Variants in ENTPD5 observed in about 807,000 individuals in gnomAD.
ENTPD5 encodes the protein ectonucleoside triphosphate diphosphohydrolase 5 (inactive), also known as nucleoside diphosphate phosphatase ENTPD5.
In ENTPD5, 49 loss-of-function variants were observed where a neutral mutation model predicts 60.2. The ratio of observed to expected loss-of-function variants is 0.81; its 90% CI spans 0.65 to 1.03. ENTPD5 has a LOEUF of 1.03. ENTPD5 is among the 50% of genes least tolerant of loss of function. The pLI, the probability that ENTPD5 is intolerant of heterozygous loss-of-function variation, is 0.00. For synonymous variants in ENTPD5, 187 were observed against 185.4 expected (o/e 1.01, Z -0.07); for missense variants, 480 against 507.6 (o/e 0.95, Z 0.52).
rs752690698 is a variant in ENTPD5, at chr14:73,974,007, GGTAA to G, written c.785-33_785-30del. The G allele has an allele frequency of 1.9e-5, 31 of 1,596,714 alleles. No individual in the cohort carries two copies. The South Asian group carries it at 3.0e-4, about 15-fold the overall frequency. The stretch of plus-strand genomic sequence containing the variant: ...AAAGAATCCAGGGCACAAGGTAAGA[GGTAA>G]GTAAGTGAGAGAGAGGGAGGAAGGC... On this transcript the variant is annotated intron_variant, in intron 11 of 15. Coordinates refer to ENST00000334696, the MANE Select transcript of ENTPD5 (RefSeq NM_001249.5).
intron 4 of ENTPD5, among the ~76,000 whole-genome samples, chr14:73,987,305 G>A (rs1197569460): frequency 6.6e-6 from 1 of 152,150 alleles, no homozygotes; most frequent in East Asian, 1.9e-4. Flanking sequence ...GTTTAAAGAG[G>A]AAGAACAAAT....
downstream of ENTPD5, chr14:73,955,831 GATA>G (rs2140379817): frequency 6.2e-7 from 1 of 1,614,148 alleles, no homozygotes; most frequent in Non-Finnish European, 8.5e-7. Context: ...CAGAGGCCCT[GATA>G]ATGTTTGATA....
At chr14:73,984,952 C>T (rs1233832240) in intron 5 of ENTPD5, among the ~76,000 whole-genome samples, 1 of 152,168 alleles carries the variant, frequency 6.6e-6, no homozygotes, top group Non-Finnish European at 1.5e-5. Flanking sequence ...CCTGTGTCCT[C>T]ATTGTTCAAT....
At chr14:73,962,516 A>G (rs1050686682), downstream of ENTPD5, among the ~76,000 whole-genome samples, 12 of 152,066 alleles carry the variant, frequency 7.9e-5, no homozygotes, top group East Asian at 2.3e-3. Context: ...CTATGATCAC[A>G]TCATTGTTAC....
chr14:73,993,165 C>A (rs1363704179), intron 3 of ENTPD5, among the ~76,000 whole-genome samples: 1 of 152,032 alleles, frequency 6.6e-6, no homozygotes, highest in Non-Finnish European at 1.5e-5. Flanking sequence ...GATGAAACCC[C>A]ATCTCTACCA....
chr14:73,958,461 G>T, downstream of ENTPD5: 1 of 1,459,392 alleles, frequency 6.9e-7, no homozygotes, highest in Non-Finnish European at 9.1e-7. Context: ...TGTACAGGGA[G>T]CAATCTCATG....
intron 3 of ENTPD5, among the ~76,000 whole-genome samples, chr14:73,993,198 G>T (rs546088855): frequency 6.6e-6 from 1 of 152,134 alleles, no homozygotes; most frequent in Non-Finnish European, 1.5e-5. Context: ...TTAGTTGGAC[G>T]TGGTGGCATG....
At chr14:73,992,868 T>C (rs2058194108) in intron 3 of ENTPD5, among the ~76,000 whole-genome samples, 1 of 151,718 alleles carries the variant, frequency 6.6e-6, no homozygotes, top group African/African-American at 2.4e-5. Context: ...CCGGGCATGG[T>C]GGTACAGGCC....
At chr14:74,009,965 G>C (rs1304284459) in intron 3 of ENTPD5, among the ~76,000 whole-genome samples, 1 of 152,050 alleles carries the variant, frequency 6.6e-6, no homozygotes, top group Non-Finnish European at 1.5e-5. Context: ...CTAATTTTTT[G>C]TATTTTTAGG....
chr14:73,971,754 C>T (rs1206884873), intron 14 of ENTPD5, 98 bp downstream of exon 14: 2 of 772,444 alleles, frequency 2.6e-6, no homozygotes, highest in Non-Finnish European at 4.5e-6. Context: ...TTCTGATAGG[C>T]CTTCTGAGCT....
At position 73,973,899 on chromosome 14, in the gene ENTPD5, G is replaced by A. The variant is rs1173211644; in HGVS notation, c.864C>T (p.Tyr288=). ...TGCCTTCTTGGTTGCCACCATACTG[G>A]TATTTCACACCCCCAAAGATCCACT... ...EAEWIFGGVK[Y]QYGGNQEGEV... is the part of the protein sequence containing the mutation. The change falls in exon 12 of 16, where the codon TAC becomes TAT. Residue 288 remains tyrosine, a synonymous_variant. Coordinates refer to ENST00000334696, the MANE Select transcript of ENTPD5 (RefSeq NM_001249.5). The A allele has an allele frequency of 3.1e-6, 5 of 1,613,944 alleles. No individual in the cohort carries two copies. Among genetic ancestry groups the A allele is most frequent in the Non-Finnish European group, 4.2e-6 (5 of 1,179,920 alleles).
At chr14:73,971,965 AATTC>A (rs904375575) in intron 13 of ENTPD5, 57 bp from the exon 14 acceptor site, 37 of 1,041,888 alleles carry the variant, frequency 3.6e-5, no homozygotes, top group African/African-American at 1.3e-4. Context: ...AGCATAAGGA[AATTC>A]ATTCATTCAT....
chr14:73,971,887 A>C lies in ENTPD5; in HGVS notation c.1049T>G (p.Leu350Ter), dbSNP rs2057241682. 1.9e-6 allele frequency: 3 copies of C among 1,602,544 alleles called. No homozygotes were observed. In the African/African-American group the frequency reaches 4.0e-5, roughly 21 times the overall value. Residue 350 changes from leucine to a stop codon, truncating the protein, a stop_gained, in exon 14 of 16, where the codon TTA becomes TGA. Coordinates refer to ENST00000334696, the MANE Select transcript of ENTPD5 (RefSeq NM_001249.5). LOFTEE classifies it high-confidence loss of function. ...DMIDYEKGGI[L>*]KVEDFERKAR... ...TTTTCTTTCAAAATCTTCAACTTTTAAAATACCCCCCTTTTCATAATCTGA... is the reference window on the plus strand; with the variant it reads ...TTTTCTTTCAAAATCTTCAACTTTTCAAATACCCCCCTTTTCATAATCTGA...
rs1267653837 is a variant in ENTPD5 at position 73,964,375 on chromosome 14, C to T, written c.*2553G>A. On this transcript the variant is annotated 3_prime_UTR_variant, in exon 16 of 16. Transcript: ENST00000334696. ...GGCGTTACAGAAAAAAATAAAAACT[C>T]TCATTCCAAATTGCTCCTAAGATGG... 6.6e-6 allele frequency: 1 copy of T among 152,222 alleles called. No homozygotes were observed. The highest frequency in any genetic ancestry group is 1.5e-5 in the Non-Finnish European group (1 of 68,034). The allele number at this position is 152,222 out of a possible 1,614,324, so 9.4% of individuals were successfully genotyped here.
chr14:73,985,176 A>G (rs1033010763), intron 5 of ENTPD5, among the ~76,000 whole-genome samples: 3 of 152,156 alleles, frequency 2.0e-5, no homozygotes, highest in Non-Finnish European at 2.9e-5. Context: ...AGTCTTTGAT[A>G]TTGTGAATGA....
chr14:74,005,464 T>C (rs910884208), intron 3 of ENTPD5, among the ~76,000 whole-genome samples: 40 of 151,842 alleles, frequency 2.6e-4, no homozygotes, highest in Non-Finnish European at 5.1e-4. Flanking sequence ...CCTCTCAACA[T>C]GCTAGGATTA....
chr14:73,999,649 A>G (rs2058445088), intron 3 of ENTPD5, among the ~76,000 whole-genome samples: 2 of 151,446 alleles, frequency 1.3e-5, no homozygotes, highest in African/African-American at 2.4e-5. Context: ...AAAATTAGCC[A>G]GGCGCAGTGG....
chr14:73,979,088 A>G (rs1218837599), intron 6 of ENTPD5, among the ~76,000 whole-genome samples: 1 of 152,056 alleles, frequency 6.6e-6, no homozygotes, highest in Non-Finnish European at 1.5e-5. Flanking sequence ...CCAAGCACAT[A>G]CCTGCCTCTG....
downstream of ENTPD5, chr14:73,963,087 T>A (rs1192505046): frequency 9.2e-7 from 1 of 1,086,224 alleles, no homozygotes; most frequent in Non-Finnish European, 1.4e-6. Flanking sequence ...TCTTATTTAA[T>A]TTAATAAACT....
Sources: gnomAD v4.1 joint callset for allele counts (sites outside exome capture counted in the v4.1 genomes callset) on GRCh38, gnomAD v4.1.1 for gene constraint, MANE v1.5 for transcripts, NCBI Gene and HGNC (gene_info 2026-07-23, HGNC 2026-07-21) for gene names.